The following SPDYE1 variants were observed in gnomAD, a reference collection of about 807,000 sequenced individuals.
SPDYE1 encodes the protein speedy protein E1.
A neutral mutation model predicts 45.9 loss-of-function variants in SPDYE1; 29 were observed. The ratio of observed to expected loss-of-function variants is 0.63; its 90% CI spans 0.47 to 0.86. SPDYE1 has a LOEUF of 0.86. SPDYE1 is among the 40% of genes least tolerant of loss of function. The probability of loss-of-function intolerance (pLI) is 0.00; values close to 1 mark genes in which losing one functional copy is unlikely to be tolerated. For synonymous variants in SPDYE1, 134 were observed against 176.8 expected, an observed-to-expected ratio of 0.76 and a Z score of 1.92; for missense variants, 346 against 481.4, an observed-to-expected ratio of 0.72 and a Z score of 2.63.
chr7:44,007,245 A>G (rs61131874), intron 6 of SPDYE1, 23 bp from the exon 7 acceptor site: 557,268 of 1,611,982 alleles, frequency 0.35, 99,652 homozygotes, highest in South Asian at 0.49. Flanking sequence ...GCCCCTGAGC[A>G]GCAACCTGAT....
chr7:44,006,137 C>T (rs2096070918), intron 6 of SPDYE1, among the ~76,000 whole-genome samples: 1 of 152,216 alleles, frequency 6.6e-6, no homozygotes, highest in Non-Finnish European at 1.5e-5. Flanking sequence ...AGCACACTGG[C>T]TCGCCATCTT....
chr7:44,001,048 C>T lies in SPDYE1; in HGVS notation c.161-18C>T. 6.3e-7 allele frequency: 1 copy of T among 1,597,288 alleles called. No homozygotes were observed. Among genetic ancestry groups the T allele is most frequent in the Non-Finnish European group, 8.5e-7 (1 of 1,179,792 alleles). Reference sequence around the variant, plus strand: ...CAGATGCAGAAGCATTACACAGTGGCCTGGTTTCTTTACTCAGCCCCTGGG... The same window carrying T: ...CAGATGCAGAAGCATTACACAGTGGTCTGGTTTCTTTACTCAGCCCCTGGG... On this transcript the variant is annotated intron_variant, in intron 2 of 8. Coordinates refer to ENST00000693451, the MANE Select transcript of SPDYE1 (RefSeq NM_001378423.2).
chr7:44,005,038 T>A, intron 5 of SPDYE1, 104 bp from the exon 6 acceptor site: 5 of 1,351,344 alleles, frequency 3.7e-6, no homozygotes, highest in Non-Finnish European at 5.3e-6. Flanking sequence ...CTGAGGTCCC[T>A]TCTCTGATGG....
intron 5 of SPDYE1, 123 bp from the exon 6 acceptor site, chr7:44,005,019 A>T: frequency 8.6e-7 from 1 of 1,158,568 alleles, no homozygotes; most frequent in Non-Finnish European, 1.3e-6. Context: ...GAGTACAGTC[A>T]CCCCAACACT....
rs1476156034 is a variant in SPDYE1, at chr7:44,002,598, G to A, written c.388G>A (p.Val130Ile). The A allele has an allele frequency of 1.9e-6, 3 of 1,586,048 alleles. No homozygotes were observed. In the Admixed American group the frequency reaches 5.2e-5, roughly 27 times the overall value. ...KDFNSQLAPG[V>I]DPSPPHRSFC... The stretch of plus-strand genomic sequence containing the variant: ...CTGGTTTCTTTACTCAGCCCCTGGG[G>A]TAGATCCCAGCCCCCCGCATAGGTC... Residue 130 changes from valine to isoleucine, a missense_variant, in exon 4 of 9, where the codon GTA (valine) becomes ATA (isoleucine). Val to Ile is a conservative substitution (Grantham distance 29). This residue lies in a region of SPDYE1 where 141 missense variants were observed against 176.7 expected (regional missense o/e 0.80). Transcript: ENST00000693451.
intron 8 of SPDYE1, 56 bp downstream of exon 8, chr7:44,007,869 C>T (rs1418395217): frequency 1.4e-5 from 22 of 1,582,742 alleles, no homozygotes; most frequent in South Asian, 7.8e-5. Flanking sequence ...TTCGGAAATC[C>T]GAAGAACCCA....
At chr7:44,007,046 T>C (rs2096072186) in intron 6 of SPDYE1, 3 of 1,213,506 alleles carry the variant, frequency 2.5e-6, no homozygotes, top group Non-Finnish European at 2.2e-6. Context: ...CCACCACTCT[T>C]GGCCACCAGT....
chr7:44,009,092 C>G lies in SPDYE1; in HGVS notation c.*471C>G, dbSNP rs2096075661. On this transcript the variant is annotated 3_prime_UTR_variant, in exon 9 of 9. Coordinates refer to ENST00000693451, the MANE Select transcript of SPDYE1 (RefSeq NM_001378423.2). ...GAAATATCAGTGCCACAGATTGTAA[C>G]AGATAGCTTCATGCACACTCTGCAT... 1 of 298,772 alleles carries G rather than the reference C, an allele frequency of 3.3e-6. No individual in the cohort carries two copies. The highest frequency in any genetic ancestry group is 2.8e-5 in the South Asian group (1 of 36,312). 18.5% of individuals were successfully genotyped at this position (298,772 alleles called of 1,614,324 possible).
Position 44,007,540 on chromosome 7 carries a change from G to A in SPDYE1, c.1025G>A (p.Cys342Tyr). Residue 342 changes from cysteine to tyrosine, a missense_variant, in exon 7 of 9, where the codon TGT becomes TAT. Transcript: ENST00000693451. ...LFQKRRFHFF[C>Y]SMSCRAWVSP... is the part of the protein sequence containing the mutation. ...CAGAAACGTCGGTTCCACTTCTTCT[G>A]TTCCATGAGCTGCAGGGCTTGGGTT... 1 of 1,613,660 alleles carries A rather than the reference G, an allele frequency of 6.2e-7. No homozygotes were observed. The highest frequency in any genetic ancestry group is 8.5e-7 in the Non-Finnish European group (1 of 1,180,036).
At chr7:43,998,314 A>G (rs2096058169) in intron 1 of SPDYE1, among the ~76,000 whole-genome samples, 1 of 151,756 alleles carries the variant, frequency 6.6e-6, no homozygotes, top group African/African-American at 2.4e-5. Flanking sequence ...ACTCACTCGC[A>G]GGTTCTTTAT....
intron 1 of SPDYE1, among the ~76,000 whole-genome samples, chr7:43,999,121 G>A (rs71548214): frequency 6.6e-6 from 1 of 152,088 alleles, no homozygotes. Flanking sequence ...CGAACTGGAG[G>A]GGCTGGCTTA....
Position 44,009,774 on chromosome 7 carries a change from G to A in SPDYE1, c.*1153G>A, listed in dbSNP as rs2096076599. On this transcript the variant is annotated 3_prime_UTR_variant, in exon 9 of 9. Transcript: ENST00000693451. ...TAATTTTGTTTTCCTTTTTAAGAGAGGATTCTTTTCATCCTAAATCTTTTA... is the reference window on the plus strand; with the variant it reads ...TAATTTTGTTTTCCTTTTTAAGAGAAGATTCTTTTCATCCTAAATCTTTTA... 1 of 151,270 alleles carries A rather than the reference G, an allele frequency of 6.6e-6. No individual in the cohort carries two copies. The allele number at this position is 151,270 out of a possible 1,614,324, so 9.4% of individuals were successfully genotyped here.
intron 2 of SPDYE1, among the ~76,000 whole-genome samples, chr7:44,000,418 CAAAA>C (rs56132146): frequency 4.6e-5 from 5 of 109,772 alleles, no homozygotes; most frequent in Admixed American, 1.9e-4. Flanking sequence ...TACTGCACTC[CAAAA>C]AAAAAAAAAA....
In SPDYE1 at chr7:44,009,398, T is replaced by C. The variant is rs2096076151; in HGVS notation, c.*777T>C. ...GATACTTCCATAATAATCTCTTCTATTTATAGCTATTGGTAGTTCCCCTAA... is the reference window on the plus strand; with the variant it reads ...GATACTTCCATAATAATCTCTTCTACTTATAGCTATTGGTAGTTCCCCTAA... On this transcript the variant is annotated 3_prime_UTR_variant, in exon 9 of 9. Coordinates refer to ENST00000693451, the MANE Select transcript of SPDYE1 (RefSeq NM_001378423.2). The C allele has an allele frequency of 6.6e-6, 1 of 151,792 alleles. No individual in the cohort carries two copies. Among genetic ancestry groups the C allele is most frequent in the Admixed American group, 6.6e-5 (1 of 15,222 alleles). 9.4% of individuals were successfully genotyped at this position (151,792 alleles called of 1,614,324 possible).
chr7:43,998,971 T>C (rs1486269077), intron 1 of SPDYE1, among the ~76,000 whole-genome samples: 1 of 148,058 alleles, frequency 6.8e-6, no homozygotes, highest in African/African-American at 2.5e-5. Flanking sequence ...TGAGCCACTG[T>C]GCACAGCTGA....
rs2096069429 is a variant in SPDYE1 at position 44,005,137 on chromosome 7, A to G, written c.667-5A>G. 6.2e-7 allele frequency: 1 copy of G among 1,611,062 alleles called. No individual in the cohort carries two copies. Among genetic ancestry groups the G allele is most frequent in the Non-Finnish European group, 8.5e-7 (1 of 1,179,614 alleles). ...TCCCTCTCTGTGTTCCTTTCTCTCC[A>G]TCAGTATCTCCTTGCTATGGTCATA... On this transcript the variant is annotated splice_region_variant and splice_polypyrimidine_tract_variant and intron_variant, in intron 5 of 8. Coordinates refer to ENST00000693451, the MANE Select transcript of SPDYE1 (RefSeq NM_001378423.2).
chr7:44,006,637 CAG>C (rs2096071592), intron 6 of SPDYE1, among the ~76,000 whole-genome samples: 2 of 152,096 alleles, frequency 1.3e-5, no homozygotes, highest in African/African-American at 4.8e-5. Context: ...TTTATTGAGA[CAG>C]AGTCTTGCTC....
intron 6 of SPDYE1, among the ~76,000 whole-genome samples, chr7:44,006,512 T>C (rs1286215355): frequency 7.9e-5 from 12 of 151,354 alleles, no homozygotes; most frequent in Admixed American, 2.6e-4. Context: ...GGTGAGATCA[T>C]AGCTCACCGC....
chr7:44,003,789 GC>G (rs1383122165), intron 4 of SPDYE1, 63 bp from the exon 5 acceptor site: 1 of 1,053,716 alleles, frequency 9.5e-7, no homozygotes, highest in East Asian at 2.3e-5. Flanking sequence ...TCTCCTCGCT[GC>G]CCTGCTGCTC....
Sources: gnomAD v4.1 joint callset for allele counts (sites outside exome capture counted in the v4.1 genomes callset) on GRCh38, gnomAD v4.1.1 for gene constraint, gnomAD v4.1.1 regional missense constraint, MANE v1.5 for transcripts, NCBI Gene and HGNC (gene_info 2026-07-23, HGNC 2026-07-21) for gene names.